The following GDAP1 variants were observed in gnomAD, a reference collection of about 807,000 sequenced individuals.
GDAP1 encodes the protein ganglioside induced differentiation associated protein 1.
In GDAP1, 34 loss-of-function variants were observed where a neutral mutation model predicts 40.1. That is an observed-to-expected ratio of 0.85 (90% confidence interval 0.64 to 1.13). The LOEUF (loss-of-function observed/expected upper bound fraction) is 1.13. Ranked by LOEUF, GDAP1 falls within the 50% of genes most tolerant of loss-of-function variation. The pLI, the probability that GDAP1 is intolerant of heterozygous loss-of-function variation, is 0.00. For synonymous variants in GDAP1, 170 were observed against 157.4 expected (o/e 1.08, Z -0.60); for missense variants, 374 against 433.7 (o/e 0.86, Z 1.22).
rs1412667462 is a variant in GDAP1, at chr8:74,363,969, C to T, written c.695-16C>T. The T allele has an allele frequency of 6.2e-7, 1 of 1,612,416 alleles. No individual in the cohort carries two copies. Among genetic ancestry groups the T allele is most frequent in the Admixed American group, 1.7e-5 (1 of 59,994 alleles). On this transcript the variant is annotated splice_polypyrimidine_tract_variant and intron_variant, in intron 5 of 5. Coordinates refer to ENST00000220822, the MANE Select transcript of GDAP1 (RefSeq NM_018972.4). ...AGTGCTTGCCTCTAATTCTCTATGT[C>T]CCTTTCTCTAATTAGAAGAGGGCCA...
chr8:74,419,798 C>T lies in GDAP1; in HGVS notation c.165+68477C>T, dbSNP rs75992766. On this transcript the variant is annotated intron_variant, in intron 2 of 2. Coordinates refer to the GDAP1 transcript ENST00000523640. Reference sequence around the variant, plus strand: ...GGGTTCTCTGGTTTCAGCTTTTATACTTAGGGCATTGATCTATTTTCAGCT... The same window carrying T: ...GGGTTCTCTGGTTTCAGCTTTTATATTTAGGGCATTGATCTATTTTCAGCT... Among the ~76,000 whole-genome samples the T allele has an allele frequency of 5.5e-3, 836 of 152,178 alleles. 9 individuals carry two copies. The highest frequency in any genetic ancestry group is 0.019 in the African/African-American group (776 of 41,520).
At chr8:74,415,146 T>C (rs1805762461) in intron 2 of GDAP1, among the ~76,000 whole-genome samples, 1 of 150,008 alleles carries the variant, frequency 6.7e-6, no homozygotes, top group African/African-American at 2.5e-5. Context: ...TTTAAAAGAA[T>C]TGCTTTAAGA....
chr8:74,460,751 G>T (rs1806391130), intron 2 of GDAP1, among the ~76,000 whole-genome samples: 1 of 152,172 alleles, frequency 6.6e-6, no homozygotes, highest in Non-Finnish European at 1.5e-5. Context: ...TCTATTTGTG[G>T]AGTTGACCTG....
exon 3 of GDAP1, chr8:74,488,693 A>G (rs924883507): frequency 2.6e-5 from 4 of 152,214 alleles, no homozygotes; most frequent in African/African-American, 9.6e-5. Flanking sequence ...CATATGCAGC[A>G]TACTGGTGGA....
Position 74,414,625 on chromosome 8 carries a change from A to T in GDAP1, c.165+63304A>T, listed in dbSNP as rs1320352891. ...TATCCAATTTGAACAAGAGAGAAAAACGTTAAAAGAAGAAGGAAAATTAAA... is the reference window on the plus strand; with the variant it reads ...TATCCAATTTGAACAAGAGAGAAAATCGTTAAAAGAAGAAGGAAAATTAAA... On this transcript the variant is annotated intron_variant, in intron 2 of 2. Coordinates refer to the GDAP1 transcript ENST00000523640. Among the ~76,000 whole-genome samples, 19 of 149,466 alleles carry T rather than the reference A, an allele frequency of 1.3e-4. 1 individual carries two copies. The highest frequency in any genetic ancestry group is 4.9e-4 in the African/African-American group (19 of 38,904).
At chr8:74,363,803 T>C (rs1809486047) in intron 5 of GDAP1, among the ~76,000 whole-genome samples, 182 bp from the exon 6 acceptor site, 1 of 152,156 alleles carries the variant, frequency 6.6e-6, no homozygotes, top group South Asian at 2.1e-4. Context: ...TACGTTTGCA[T>C]GGACTTTTTT....
chr8:74,444,553 A>G (rs1391682728), intron 2 of GDAP1, among the ~76,000 whole-genome samples: 5 of 152,200 alleles, frequency 3.3e-5, no homozygotes, highest in Non-Finnish European at 7.3e-5. Context: ...TTATGCAACT[A>G]AGTAACTTCA....
At chr8:74,417,511 C>G (rs1042678796) in intron 2 of GDAP1, among the ~76,000 whole-genome samples, 1 of 150,086 alleles carries the variant, frequency 6.7e-6, no homozygotes, top group Non-Finnish European at 1.5e-5. Flanking sequence ...AGGTGATCCA[C>G]CCGCCTAGGC....
Position 74,365,611 on chromosome 8 carries a change from C to A in GDAP1, c.*1244C>A, listed in dbSNP as rs1809591306. 2.2e-6 allele frequency: 1 copy of A among 454,064 alleles called. No individual in the cohort carries two copies. The highest frequency in any genetic ancestry group is 4.4e-6 in the Non-Finnish European group (1 of 226,754). 28.1% of individuals were successfully genotyped at this position (454,064 alleles called of 1,614,324 possible). A position where few individuals can be genotyped will look rare whatever the true frequency, so the allele number is the denominator to read the frequency against. ...GGCATAGAGATGATGTGCCGAGGTC[C>A]CAGTGAACAACAGTAGCCAAAGAAT... On this transcript the variant is annotated 3_prime_UTR_variant, in exon 6 of 6. Coordinates refer to ENST00000220822, the MANE Select transcript of GDAP1 (RefSeq NM_018972.4).
At chr8:74,439,479 C>T (rs748183903) in intron 2 of GDAP1, among the ~76,000 whole-genome samples, 10 of 151,978 alleles carry the variant, frequency 6.6e-5, no homozygotes, top group Non-Finnish European at 1.0e-4. Context: ...CTATCTTGAG[C>T]CAATACTACA....
chr8:74,447,108 C>G (rs888759435), intron 2 of GDAP1, among the ~76,000 whole-genome samples: 1 of 152,060 alleles, frequency 6.6e-6, no homozygotes, highest in Admixed American at 6.6e-5. Flanking sequence ...AAAAAACACT[C>G]TATTTTATAG....
At chr8:74,422,199 C>G (rs1805866679) in intron 2 of GDAP1, among the ~76,000 whole-genome samples, 1 of 147,468 alleles carries the variant, frequency 6.8e-6, no homozygotes, top group Non-Finnish European at 1.5e-5. Flanking sequence ...TCTCTTTCTT[C>G]TTTCTTTCTC....
chr8:74,371,545 A>G (rs1291156263), downstream of GDAP1, among the ~76,000 whole-genome samples: 1 of 151,900 alleles, frequency 6.6e-6, no homozygotes, highest in Non-Finnish European at 1.5e-5. Flanking sequence ...CTGTAGTCCC[A>G]GCTACTTGGG....
chr8:74,392,428 A>T (rs949020242), intron 2 of GDAP1, among the ~76,000 whole-genome samples: 6 of 152,246 alleles, frequency 3.9e-5, no homozygotes, highest in Non-Finnish European at 8.8e-5. Flanking sequence ...GACAATTTGT[A>T]TGGCCCATAT....
rs145548839 is a variant in GDAP1, at chr8:74,364,624, T to C, written c.*257T>C. 1.7e-6 allele frequency: 1 copy of C among 599,896 alleles called. No homozygotes were observed. The highest frequency in any genetic ancestry group is 3.6e-5 in the East Asian group (1 of 27,856). The allele number at this position is 599,896 out of a possible 1,614,324, so 37.2% of individuals were successfully genotyped here. A position where few individuals can be genotyped will look rare whatever the true frequency, so the allele number is the denominator to read the frequency against. On this transcript the variant is annotated 3_prime_UTR_variant, in exon 6 of 6. Transcript: ENST00000220822. Reference sequence around the variant, plus strand: ...GAAAAATGAGAGAATGAAGTCTGTATAGGGTAGAGCAATAGAAAGTAAGCT... The same window carrying C: ...GAAAAATGAGAGAATGAAGTCTGTACAGGGTAGAGCAATAGAAAGTAAGCT...
chr8:74,436,774 C>CT lies in GDAP1; in HGVS notation c.166-51899dup, dbSNP rs374922777. 4.4e-3 allele frequency among the ~76,000 whole-genome samples: 675 copies of CT among 152,144 alleles called. 8 individuals carry two copies. Among genetic ancestry groups the CT allele is most frequent in the African/African-American group, 0.015 (620 of 41,504 alleles). On this transcript the variant is annotated intron_variant, in intron 2 of 2. Coordinates refer to the GDAP1 transcript ENST00000523640. ...TACTCACAATCCTTTCAATAATTGTCTTTTTCCCGGCCCTTTACCCCCCAT... is the reference window on the plus strand; with the variant it reads ...TACTCACAATCCTTTCAATAATTGTCTTTTTTCCCGGCCCTTTACCCCCCAT...
chr8:74,366,429 A>T lies in GDAP1; in HGVS notation c.*2062A>T, dbSNP rs75756179. On this transcript the variant is annotated 3_prime_UTR_variant, in exon 6 of 6. Coordinates refer to ENST00000220822, the MANE Select transcript of GDAP1 (RefSeq NM_018972.4). ...AGATTATTCTTCTGTTTTAAAAAAA[A>T]GCTTGAGGCAAATGTGAGTGATTTC... 2.2e-6 allele frequency: 1 copy of T among 454,398 alleles called. No homozygotes were observed. The highest frequency in any genetic ancestry group is 2.0e-5 in the African/African-American group (1 of 50,008). The allele number at this position is 454,398 out of a possible 1,614,324, so 28.1% of individuals were successfully genotyped here.
intron 2 of GDAP1, among the ~76,000 whole-genome samples, chr8:74,472,956 C>A (rs916182317): frequency 3.9e-5 from 6 of 151,966 alleles, no homozygotes; most frequent in African/African-American, 1.5e-4. Flanking sequence ...CACCATGTTG[C>A]CCAGGCTGAC....
At chr8:74,463,297 T>TA (rs1291956039) in intron 2 of GDAP1, among the ~76,000 whole-genome samples, 1 of 146,714 alleles carries the variant, frequency 6.8e-6, no homozygotes, top group African/African-American at 2.6e-5. Context: ...ATTAAAAAAA[T>TA]AAAAAAATAA....
Sources: allele counts gnomAD v4.1 joint callset (sites outside exome capture counted in the v4.1 genomes callset), GRCh38; gene constraint gnomAD v4.1.1; transcripts MANE v1.5; gene names NCBI Gene and HGNC (gene_info 2026-07-23, HGNC 2026-07-21).